The following PAPPA2 variants were observed in gnomAD, a reference collection of about 807,000 sequenced individuals.
PAPPA2 encodes the protein pappalysin-2.
A neutral mutation model predicts 176.4 loss-of-function variants in PAPPA2; 86 were observed. The observed-to-expected ratio is 0.49, with a 90% CI of 0.41 to 0.58. PAPPA2 has a LOEUF of 0.58. Ranked by LOEUF, PAPPA2 falls within the 20% of genes least tolerant of loss-of-function variation. The probability of loss-of-function intolerance (pLI) is 0.00; values close to 1 mark genes in which losing one functional copy is unlikely to be tolerated. For missense variants in PAPPA2, 2,073 were observed against 2,256.9 expected, an observed-to-expected ratio of 0.92 and a Z score of 1.65; for synonymous variants, 809 against 852.2, an observed-to-expected ratio of 0.95 and a Z score of 0.88.
At chr1:176,779,309 A>G (rs558774394) in intron 17 of PAPPA2, among the ~76,000 whole-genome samples, 11 of 152,082 alleles carry the variant, frequency 7.2e-5, no homozygotes, top group Admixed American at 6.6e-5. Flanking sequence ...CTTCAAGCCC[A>G]TTGAGTGAAC....
rs75647613 is a variant in PAPPA2, at chr1:176,738,198, T to C, written c.3799-1428T>C. ...AGGACTTCATATGGCAAGTGTAATC[T>C]TGGGTCTGGTTGTTTCTTAAGTTAT... On this transcript the variant is annotated intron_variant, in intron 12 of 22. Transcript: ENST00000367662. Among the ~76,000 whole-genome samples, 609 of 152,230 alleles carry C rather than the reference T, an allele frequency of 4.0e-3. 1 individual carries two copies. Among genetic ancestry groups the C allele is most frequent in the African/African-American group, 0.013 (559 of 41,540 alleles).
At chr1:176,742,396 G>A (rs1662724552) in intron 14 of PAPPA2, among the ~76,000 whole-genome samples, 1 of 152,100 alleles carries the variant, frequency 6.6e-6, no homozygotes, top group South Asian at 2.1e-4. Flanking sequence ...CAAAGAAGTT[G>A]ATTAATTGTA....
chr1:176,770,049 C>T, intron 16 of PAPPA2, among the ~76,000 whole-genome samples: 1 of 152,194 alleles, frequency 6.6e-6, no homozygotes, highest in Non-Finnish European at 1.5e-5. Flanking sequence ...ACCCCAGAGG[C>T]AAGCCTACTG....
intron 1 of PAPPA2, among the ~76,000 whole-genome samples, chr1:176,531,181 C>G (rs1020367055): frequency 1.3e-5 from 2 of 152,220 alleles, no homozygotes; most frequent in African/African-American, 4.8e-5. Context: ...TAGCAGCAGG[C>G]AGGCAAGCCA....
intron 14 of PAPPA2, among the ~76,000 whole-genome samples, chr1:176,764,211 A>C (rs1264586695): frequency 6.6e-6 from 1 of 152,084 alleles, no homozygotes; most frequent in African/African-American, 2.4e-5. Flanking sequence ...CACATTGGGA[A>C]TGAAATTTCA....
chr1:176,745,920 C>A (rs947078098), intron 14 of PAPPA2, among the ~76,000 whole-genome samples: 5 of 152,206 alleles, frequency 3.3e-5, no homozygotes, highest in African/African-American at 1.2e-4. Context: ...CACTGTGGTG[C>A]TGCTGGAACT....
intron 21 of PAPPA2, among the ~76,000 whole-genome samples, chr1:176,837,038 C>T (rs1229925349): frequency 6.6e-6 from 1 of 152,118 alleles, no homozygotes; most frequent in African/African-American, 2.4e-5. Context: ...GAAACATCGC[C>T]AGATTATATA....
At chr1:176,600,467 G>C (rs1189252180) in intron 3 of PAPPA2, among the ~76,000 whole-genome samples, 11 of 151,752 alleles carry the variant, frequency 7.2e-5, no homozygotes, top group Non-Finnish European at 7.4e-5. Flanking sequence ...ACGAGGTCAG[G>C]AGATCGAGAC....
At chr1:176,598,641 C>A (rs1457767051) in intron 3 of PAPPA2, among the ~76,000 whole-genome samples, 3 of 152,010 alleles carry the variant, frequency 2.0e-5, no homozygotes, top group Admixed American at 2.0e-4. Flanking sequence ...ATTTTACCCA[C>A]TAATTTGTAG....
At chr1:176,833,214 C>A (rs941501970) in intron 21 of PAPPA2, among the ~76,000 whole-genome samples, 1 of 152,170 alleles carries the variant, frequency 6.6e-6, no homozygotes, top group African/African-American at 2.4e-5. Context: ...CACAGAAGAT[C>A]CTTAACGTCT....
chr1:176,782,650 A>C (rs1288311113), intron 17 of PAPPA2, among the ~76,000 whole-genome samples: 1 of 152,156 alleles, frequency 6.6e-6, no homozygotes, highest in African/African-American at 2.4e-5. Flanking sequence ...GTATTAAGGA[A>C]GGTGAATGTG....
intron 21 of PAPPA2, among the ~76,000 whole-genome samples, chr1:176,802,916 A>T (rs1171519004): frequency 6.6e-6 from 1 of 152,186 alleles, no homozygotes; most frequent in Non-Finnish European, 1.5e-5. Context: ...TTATCTAAAT[A>T]ATTCCATCTT....
At chr1:176,617,507 G>A (rs1225673228) in intron 3 of PAPPA2, among the ~76,000 whole-genome samples, 2 of 152,092 alleles carry the variant, frequency 1.3e-5, no homozygotes, top group African/African-American at 4.8e-5. Context: ...TTATGCCTTT[G>A]TGTTCTCATA....
intron 21 of PAPPA2, among the ~76,000 whole-genome samples, chr1:176,810,857 T>A (rs1352099435): frequency 6.6e-6 from 1 of 152,170 alleles, no homozygotes; most frequent in African/African-American, 2.4e-5. Flanking sequence ...GGGAAAATAG[T>A]AGCAGAAGAA....
At chr1:176,713,296 G>C (rs1434587655) in intron 12 of PAPPA2, among the ~76,000 whole-genome samples, 1 of 151,854 alleles carries the variant, frequency 6.6e-6, no homozygotes, top group Non-Finnish European at 1.5e-5. Flanking sequence ...GCTAGGACAA[G>C]AGTTGCTTGC....
intron 1 of PAPPA2, among the ~76,000 whole-genome samples, chr1:176,547,430 G>T (rs1054800853): frequency 6.6e-6 from 1 of 152,102 alleles, no homozygotes; most frequent in African/African-American, 2.4e-5. Flanking sequence ...CATGTCTATT[G>T]CTATGTGACT....
At chr1:176,489,466 T>C (rs1652799005) in intron 1 of PAPPA2, among the ~76,000 whole-genome samples, 1 of 152,226 alleles carries the variant, frequency 6.6e-6, no homozygotes, top group South Asian at 2.1e-4. Flanking sequence ...GATATTACCA[T>C]ATTGATCCTC....
Position 176,724,057 on chromosome 1 carries a change from A to G in PAPPA2, c.3798+12076A>G, listed in dbSNP as rs531326420. ...ATTTATGCCTCTTGATTCTAATCCC[A>G]TGTTTATCCATCTATACTATGTTGC... On this transcript the variant is annotated intron_variant, in intron 12 of 22. Transcript: ENST00000367662. Among the ~76,000 whole-genome samples, 59 of 152,334 alleles carry G rather than the reference A, an allele frequency of 3.9e-4. 1 individual carries two copies. In the Middle Eastern group the frequency reaches 0.01, roughly 26 times the overall value.
intron 17 of PAPPA2, among the ~76,000 whole-genome samples, chr1:176,780,659 G>A (rs12116457): frequency 0.11 from 16,005 of 151,828 alleles, 899 homozygotes; most frequent in Non-Finnish European, 0.12. Context: ...GCTCTGTCAG[G>A]TCAGTATTCC....
Sources: allele counts gnomAD v4.1 joint callset (sites outside exome capture counted in the v4.1 genomes callset), GRCh38; gene constraint gnomAD v4.1.1; transcripts MANE v1.5; gene names NCBI Gene and HGNC (gene_info 2026-07-23, HGNC 2026-07-21).